QRSL1: variants seen among roughly 807,000 people sequenced by gnomAD.
The protein encoded by QRSL1 is glutaminyl-tRNA amidotransferase subunit QRSL1.
Under a neutral mutation model 61.6 loss-of-function variants are expected in QRSL1, and 54 were observed. The ratio of observed to expected loss-of-function variants is 0.88; its 90% confidence interval spans 0.70 to 1.10. The LOEUF (loss-of-function observed/expected upper bound fraction) is 1.10. QRSL1 is among the 50% of genes least tolerant of loss of function. The probability of loss-of-function intolerance (pLI) is 0.00; values close to 1 mark genes in which losing one functional copy is unlikely to be tolerated. For missense variants in QRSL1, 505 were observed against 622.6 expected (o/e 0.81, Z 2.01); for synonymous variants, 228 against 225.7 (o/e 1.01, Z -0.09).
intron 1 of QRSL1, among the ~76,000 whole-genome samples, chr6:106,636,686 T>C (rs1776927745): frequency 6.6e-6 from 1 of 152,194 alleles, no homozygotes; most frequent in African/African-American, 2.4e-5. Flanking sequence ...TAAATGGAGA[T>C]AATAATAGCT....
chr6:106,635,870 C>CAAA (rs796131926), intron 1 of QRSL1, among the ~76,000 whole-genome samples: 1 of 124,902 alleles, frequency 8.0e-6, no homozygotes, highest in African/African-American at 3.0e-5. Context: ...GACTCCATTT[C>CAAA]AAAAAAAAAA....
At chr6:106,638,389 C>A (rs1245999206) in intron 1 of QRSL1, among the ~76,000 whole-genome samples, 4 of 152,138 alleles carry the variant, frequency 2.6e-5, no homozygotes, top group African/African-American at 7.2e-5. Flanking sequence ...ACCGCAACCT[C>A]TGCCTCCCGG....
chr6:106,655,558 A>G, intron 8 of QRSL1, 57 bp from the exon 9 acceptor site: 1 of 1,181,098 alleles, frequency 8.5e-7, no homozygotes, highest in South Asian at 1.3e-5. Flanking sequence ...GATTTTAGCC[A>G]AAACTTTACT....
Position 106,652,362 on chromosome 6 carries a change from G to A in QRSL1, c.711G>A (p.Val237=). Residue 237 remains valine (V), a synonymous_variant, in exon 6 of 11, where the codon GTG becomes GTA. Coordinates refer to ENST00000369046, the MANE Select transcript of QRSL1 (RefSeq NM_018292.5). ...MDVPGILTRC[V]DDAAIVLGAL... ...TGCCAGGAATCTTAACCAGATGTGTGGATGATGCAGCAATTGTGTTGGGTA... is the reference window on the plus strand; with the variant it reads ...TGCCAGGAATCTTAACCAGATGTGTAGATGATGCAGCAATTGTGTTGGGTA... The A allele has an allele frequency of 6.2e-7, 1 of 1,614,126 alleles. No homozygotes were observed. Among genetic ancestry groups the A allele is most frequent in the Non-Finnish European group, 8.5e-7 (1 of 1,180,034 alleles).
At chr6:106,647,722 C>T in intron 4 of QRSL1, among the ~76,000 whole-genome samples, 1 of 128,386 alleles carries the variant, frequency 7.8e-6, no homozygotes, top group Non-Finnish European at 1.6e-5. Context: ...GCGATCTCGG[C>T]TCACTGCAAG....
chr6:106,649,634 A>T (rs1009326332), intron 5 of QRSL1, among the ~76,000 whole-genome samples: 3 of 152,190 alleles, frequency 2.0e-5, no homozygotes, highest in Admixed American at 2.0e-4. Flanking sequence ...AATCTTTTGA[A>T]AAAAAAGAAA....
intron 9 of QRSL1, among the ~76,000 whole-genome samples, chr6:106,659,868 G>C (rs1207665771): frequency 6.6e-6 from 1 of 152,178 alleles, no homozygotes; most frequent in Non-Finnish European, 1.5e-5. Context: ...TTCCGTCCCT[G>C]TTTGAGCTCT....
chr6:106,656,486 C>A (rs1777273226), intron 9 of QRSL1, among the ~76,000 whole-genome samples: 1 of 152,236 alleles, frequency 6.6e-6, no homozygotes, highest in African/African-American at 2.4e-5. Context: ...TATTCACGAT[C>A]TTGTGAACAG....
At chr6:106,664,393 A>G (rs1455229417) in intron 10 of QRSL1, among the ~76,000 whole-genome samples, 1 of 152,218 alleles carries the variant, frequency 6.6e-6, no homozygotes, top group Non-Finnish European at 1.5e-5. Context: ...CTGAAGTACC[A>G]AGATTCTTTA....
At chr6:106,665,651 T>C in intron 10 of QRSL1, 131 bp from the exon 11 acceptor site, 1 of 750,898 alleles carries the variant, frequency 1.3e-6, no homozygotes, top group Non-Finnish European at 2.3e-6. Flanking sequence ...AAAAGCATTA[T>C]ATAGCATAAT....
intron 7 of QRSL1, chr6:106,653,743 G>C (rs557044286): frequency 1.3e-5 from 2 of 150,388 alleles, no homozygotes; most frequent in Non-Finnish European, 2.9e-5. Flanking sequence ...AGGATTGCTT[G>C]AGTCCAGGAG....
chr6:106,668,265 AC>A lies in QRSL1; in HGVS notation c.*2265del, dbSNP rs1218863820. 1 of 152,076 alleles carries A rather than the reference AC, an allele frequency of 6.6e-6. No individual in the cohort carries two copies. The highest frequency in any genetic ancestry group is 6.6e-5 in the Admixed American group (1 of 15,244). 9.4% of individuals were successfully genotyped at this position (152,076 alleles called of 1,614,324 possible). A position where few individuals can be genotyped will look rare whatever the true frequency, so the allele number is the denominator to read the frequency against. ...CGTTCTCATATACTGATACCCAACTACCATGAAATGATACCTAATTTGTTTT... is the reference window on the plus strand; with the variant it reads ...CGTTCTCATATACTGATACCCAACTACATGAAATGATACCTAATTTGTTTT... On this transcript the variant is annotated 3_prime_UTR_variant, in exon 11 of 11. Transcript: ENST00000369046.
In QRSL1 at chr6:106,654,884, T is replaced by A; in HGVS notation, c.1004T>A (p.Val335Glu). 1 of 1,609,528 alleles carries A rather than the reference T, an allele frequency of 6.2e-7. No homozygotes were observed. The highest frequency in any genetic ancestry group is 8.5e-7 in the Non-Finnish European group (1 of 1,178,576). The change falls in exon 8 of 11, where the codon GTG becomes GAG. Residue 335 changes from valine (V) to glutamate (E), a missense_variant. Transcript: ENST00000369046. ...TACCATGTATTGTGCACATCAGAAG[T>A]GGCATCGAATATGGCAAGATTTGAT... ...VCYHVLCTSE[V>E]ASNMARFDGL...
chr6:106,662,406 G>A (rs956432315), intron 9 of QRSL1, among the ~76,000 whole-genome samples: 1 of 151,860 alleles, frequency 6.6e-6, no homozygotes, highest in Non-Finnish European at 1.5e-5. Flanking sequence ...AACTTTTAGA[G>A]TGGCAACACA....
intron 1 of QRSL1, among the ~76,000 whole-genome samples, chr6:106,632,492 A>G (rs1416432722): frequency 6.6e-6 from 1 of 152,080 alleles, no homozygotes; most frequent in African/African-American, 2.4e-5. Flanking sequence ...CTAGGATTAC[A>G]GGTGTGAGCC....
Position 106,652,156 on chromosome 6 carries a change from A to T in QRSL1, c.558-53A>T. 7 of 1,495,772 alleles carry T rather than the reference A, an allele frequency of 4.7e-6. No individual in the cohort carries two copies. The South Asian group carries it at 8.8e-5, about 19-fold the overall frequency. The allele number at this position is 1,495,772 out of a possible 1,614,324, so 92.7% of individuals were successfully genotyped here. ...TATACAATTGAAAGGGTAGATTCCA[A>T]ATATAATTAGAGATATATCATTCTT... On this transcript the variant is annotated intron_variant, in intron 5 of 10. Coordinates refer to ENST00000369046, the MANE Select transcript of QRSL1 (RefSeq NM_018292.5).
chr6:106,648,364 A>G (rs1364059304), intron 4 of QRSL1, among the ~76,000 whole-genome samples: 1 of 152,164 alleles, frequency 6.6e-6, no homozygotes, highest in Non-Finnish European at 1.5e-5. Context: ...GTGACTGTAT[A>G]ATGTGATATC....
At position 106,667,575 on chromosome 6, in the gene QRSL1, GA is replaced by G. The variant is rs2114722683; in HGVS notation, c.*1577del. The G allele has an allele frequency of 6.6e-6, 1 of 152,238 alleles. No individual in the cohort carries two copies. The highest frequency in any genetic ancestry group is 2.1e-4 in the South Asian group (1 of 4,828). 9.4% of individuals were successfully genotyped at this position (152,238 alleles called of 1,614,324 possible). ...TTTCTAAATATGACGTTCATGAAGA[GA>G]AAATAATGAGTCAGAATCATCTGCA... On this transcript the variant is annotated 3_prime_UTR_variant, in exon 11 of 11. Transcript: ENST00000369046.
In QRSL1 at chr6:106,666,127, C is replaced by A; in HGVS notation, c.*125C>A. 1.3e-6 allele frequency: 1 copy of A among 754,446 alleles called. No homozygotes were observed. Among genetic ancestry groups the A allele is most frequent in the Non-Finnish European group, 2.2e-6 (1 of 456,088 alleles). 46.7% of individuals were successfully genotyped at this position (754,446 alleles called of 1,614,324 possible). Reference sequence around the variant, plus strand: ...AGAAGATCTAGAACAGCCTGGTCAACATGGTGAAACCCCGTCTCTACTAAA... The same window carrying A: ...AGAAGATCTAGAACAGCCTGGTCAAAATGGTGAAACCCCGTCTCTACTAAA... On this transcript the variant is annotated 3_prime_UTR_variant, in exon 11 of 11. Coordinates refer to ENST00000369046, the MANE Select transcript of QRSL1 (RefSeq NM_018292.5).
Sources: allele counts gnomAD v4.1 joint callset (sites outside exome capture counted in the v4.1 genomes callset), GRCh38; gene constraint gnomAD v4.1.1; transcripts MANE v1.5; gene names NCBI Gene and HGNC (gene_info 2026-07-23, HGNC 2026-07-21).